Variants in ADAMTS6 observed in about 807,000 individuals in gnomAD.
ADAMTS6 encodes the protein A disintegrin and metalloproteinase with thrombospondin motifs 6.
In ADAMTS6, 23 loss-of-function variants were observed where a neutral mutation model predicts 144.3. The observed-to-expected ratio is 0.16, with a 90% CI of 0.11 to 0.23. ADAMTS6 has a LOEUF of 0.23. ADAMTS6 is among the 10% of genes least tolerant of loss of function. The probability of loss-of-function intolerance (pLI) is 1.00; values close to 1 mark genes in which losing one functional copy is unlikely to be tolerated. For synonymous variants in ADAMTS6, 444 were observed against 457.5 expected (o/e 0.97, Z 0.38); for missense variants, 999 against 1,379.6 (o/e 0.72, Z 4.37).
rs538468970 is a variant in ADAMTS6 at position 65,339,455 on chromosome 5, C to CAA, written c.1074-5372_1074-5371dup. 3.9e-3 allele frequency among the ~76,000 whole-genome samples: 419 copies of CAA among 108,664 alleles called. 3 individuals carry two copies. Among genetic ancestry groups the CAA allele is most frequent in the South Asian group, 0.017 (57 of 3,284 alleles). The allele number at this position is 108,664 out of a possible 152,430, so 71.3% of individuals were successfully genotyped here. A position where few individuals can be genotyped will look rare whatever the true frequency, so the allele number is the denominator to read the frequency against. On this transcript the variant is annotated intron_variant, in intron 7 of 24. Transcript: ENST00000381055. ...GGGAACATGTCAATCATAAAAAAAG[C>CAA]AAAAAAAAAAAAAATGCAACCCACA... is the stretch of plus-strand genomic sequence containing the variant.
At chr5:65,273,558 T>G (rs1235231291) in intron 11 of ADAMTS6, 111 bp from the exon 12 acceptor site, 1 of 807,482 alleles carries the variant, frequency 1.2e-6, no homozygotes, top group East Asian at 2.5e-5. Context: ...TGGGTACCTT[T>G]TGCTGCTGAA....
chr5:65,306,815 T>C (rs1235561093), intron 9 of ADAMTS6, among the ~76,000 whole-genome samples: 2 of 152,246 alleles, frequency 1.3e-5, no homozygotes, highest in Non-Finnish European at 2.9e-5. Context: ...CTTATTGACA[T>C]CTCAGATGCC....
intron 8 of ADAMTS6, among the ~76,000 whole-genome samples, chr5:65,333,212 TA>T (rs1746950241): frequency 6.6e-6 from 1 of 152,102 alleles, no homozygotes; most frequent in African/African-American, 2.4e-5. Context: ...AAAAAGTCTC[TA>T]TGACCTTAAA....
At chr5:65,388,613 AG>A (rs1378777237) in intron 7 of ADAMTS6, among the ~76,000 whole-genome samples, 2 of 152,230 alleles carry the variant, frequency 1.3e-5, no homozygotes, top group Non-Finnish European at 2.9e-5. Context: ...CACTCATCCT[AG>A]GAGTCTATAA....
chr5:65,158,622 A>C (rs1456255977), intron 24 of ADAMTS6, among the ~76,000 whole-genome samples: 1 of 152,224 alleles, frequency 6.6e-6, no homozygotes, highest in Non-Finnish European at 1.5e-5. Flanking sequence ...TGTACTTCAA[A>C]AAATTACTCT....
At chr5:65,377,694 G>A (rs1022411115) in intron 7 of ADAMTS6, among the ~76,000 whole-genome samples, 2 of 152,282 alleles carry the variant, frequency 1.3e-5, no homozygotes, top group African/African-American at 4.8e-5. Context: ...GTTTCAGTGG[G>A]TGGGAGGGAT....
Position 65,476,145 on chromosome 5 carries a change from C to T in ADAMTS6, c.-279-2193G>A, listed in dbSNP as rs569684605. ...CCACATTGAAGAAACTGAGAGCAGC[C>T]TCTGATATAACTAACAAGGAACTAA... On this transcript the variant is annotated intron_variant, in intron 1 of 24. Transcript: ENST00000381055. Among the ~76,000 whole-genome samples, 4 of 152,332 alleles carry T rather than the reference C, an allele frequency of 2.6e-5. No individual in the cohort carries two copies. The South Asian group carries it at 6.2e-4, about 24-fold the overall frequency.
chr5:65,170,973 G>T (rs1753586394), intron 23 of ADAMTS6, among the ~76,000 whole-genome samples, 200 bp from the exon 24 acceptor site: 1 of 151,498 alleles, frequency 6.6e-6, no homozygotes, highest in Non-Finnish European at 1.5e-5. Context: ...CAAAGTGCTG[G>T]GATTACAGGC....
chr5:65,457,098 C>T (rs887323423), intron 4 of ADAMTS6, among the ~76,000 whole-genome samples: 23 of 152,124 alleles, frequency 1.5e-4, no homozygotes, highest in African/African-American at 5.3e-4. Context: ...TACTAGTAAA[C>T]ACAAAACGTT....
chr5:65,391,209 G>A lies in ADAMTS6; in HGVS notation c.1074-57124C>T, dbSNP rs142407143. The stretch of plus-strand genomic sequence containing the variant: ...TGCCAGGATTACAGGTATGAACCAC[G>A]AAGCCTGGCCTTGTTTGTTTGTTTA... On this transcript the variant is annotated intron_variant, in intron 7 of 24. Coordinates refer to ENST00000381055, the MANE Select transcript of ADAMTS6 (RefSeq NM_197941.4). Among the ~76,000 whole-genome samples the A allele has an allele frequency of 2.6e-3, 389 of 152,162 alleles. 2 individuals are homozygous for A. In the Middle Eastern group the frequency reaches 0.048, roughly 19 times the overall value.
chr5:65,254,413 T>G (rs1273297782), intron 14 of ADAMTS6, among the ~76,000 whole-genome samples: 1 of 152,122 alleles, frequency 6.6e-6, no homozygotes, highest in Non-Finnish European at 1.5e-5. Context: ...TAGCACAATA[T>G]TTTAAACACA....
chr5:65,344,419 T>A (rs1192483914), intron 7 of ADAMTS6, among the ~76,000 whole-genome samples: 1 of 151,932 alleles, frequency 6.6e-6, no homozygotes, highest in Non-Finnish European at 1.5e-5. Context: ...GGATATTACA[T>A]CATTTGCATC....
In ADAMTS6 at chr5:65,300,150, A is replaced by G; in HGVS notation, c.1224-19T>C. 1 of 1,602,606 alleles carries G rather than the reference A, an allele frequency of 6.2e-7. No individual in the cohort carries two copies. Among genetic ancestry groups the G allele is most frequent in the Non-Finnish European group, 8.5e-7 (1 of 1,175,648 alleles). On this transcript the variant is annotated intron_variant, in intron 9 of 24. Transcript: ENST00000381055. ...ACCAAAACTGTTTTAATGAGGAAGA[A>G]ACATAGAATAAATAAATAAGAAAAA...
At chr5:65,245,058 T>C (rs1453294385) in intron 14 of ADAMTS6, among the ~76,000 whole-genome samples, 3 of 152,170 alleles carry the variant, frequency 2.0e-5, no homozygotes, top group Admixed American at 6.6e-5. Context: ...GCCTCATCTA[T>C]AAACTGGGGG....
At chr5:65,413,829 A>G (rs1172204939) in intron 7 of ADAMTS6, among the ~76,000 whole-genome samples, 1 of 152,188 alleles carries the variant, frequency 6.6e-6, no homozygotes, top group East Asian at 1.9e-4. Context: ...CTAAACAATT[A>G]TAATTTCCTT....
At chr5:65,373,977 C>A (rs1483295511) in intron 7 of ADAMTS6, among the ~76,000 whole-genome samples, 1 of 152,122 alleles carries the variant, frequency 6.6e-6, no homozygotes, top group Non-Finnish European at 1.5e-5. Flanking sequence ...TACATGTAAT[C>A]CAGCATATAA....
chr5:65,187,094 C>G (rs754709332), intron 22 of ADAMTS6, among the ~76,000 whole-genome samples: 1 of 152,196 alleles, frequency 6.6e-6, no homozygotes, highest in Non-Finnish European at 1.5e-5. Flanking sequence ...TATATTAGAA[C>G]AGAGTCTGAG....
chr5:65,188,858 C>T (rs1167081854), intron 21 of ADAMTS6, among the ~76,000 whole-genome samples: 2 of 152,132 alleles, frequency 1.3e-5, no homozygotes, highest in Admixed American at 6.5e-5. Context: ...CAGGTTCTCC[C>T]ATAATTAAAA....
chr5:65,287,997 C>G (rs1325636733), intron 11 of ADAMTS6, among the ~76,000 whole-genome samples: 1 of 152,118 alleles, frequency 6.6e-6, no homozygotes, highest in Non-Finnish European at 1.5e-5. Context: ...ATTACAACCT[C>G]CTCACAACTT....
Sources: allele counts gnomAD v4.1 joint callset (sites outside exome capture counted in the v4.1 genomes callset), GRCh38; gene constraint gnomAD v4.1.1; transcripts MANE v1.5; gene names NCBI Gene and HGNC (gene_info 2026-07-23, HGNC 2026-07-21).